AUTS2: variants seen among roughly 807,000 people sequenced by gnomAD.
The protein encoded by AUTS2 is autism susceptibility gene 2 protein.
In AUTS2, 17 loss-of-function variants were observed where a neutral mutation model predicts 112.4. The observed-to-expected ratio is 0.15, with a 90% CI of 0.10 to 0.23. The LOEUF is 0.23. Among genes scored for constraint, AUTS2 ranks in the 10% least tolerant of loss-of-function variants. AUTS2 has a pLI of 1.00. For missense variants in AUTS2, 1,510 were observed against 1,701.6 expected (o/e 0.89, Z 1.98); for synonymous variants, 751 against 702.7 (o/e 1.07, Z -1.09).
chr7:70,262,332 G>GCTACT (rs1224941807), intron 4 of AUTS2, among the ~76,000 whole-genome samples: 1 of 152,068 alleles, frequency 6.6e-6, no homozygotes, highest in Non-Finnish European at 1.5e-5. Context: ...TGGGATTACA[G>GCTACT]GCACCTGCCA....
chr7:70,386,156 T>G (rs1793596764), intron 4 of AUTS2, among the ~76,000 whole-genome samples: 1 of 152,190 alleles, frequency 6.6e-6, no homozygotes, highest in South Asian at 2.1e-4. Flanking sequence ...TCCCTCAGTC[T>G]TTCCACTGCC....
intron 1 of AUTS2, among the ~76,000 whole-genome samples, chr7:69,890,788 A>G (rs1001534943): frequency 1.8e-4 from 28 of 152,074 alleles, no homozygotes; most frequent in African/African-American, 6.3e-4. Flanking sequence ...TTCACAACTG[A>G]GTTGTCTCCA....
intron 4 of AUTS2, among the ~76,000 whole-genome samples, chr7:70,231,678 C>T (rs1043145026): frequency 3.3e-5 from 5 of 152,124 alleles, no homozygotes; most frequent in South Asian, 2.1e-4. Context: ...CTCCTGACCT[C>T]GTGATCTGCC....
chr7:70,692,081 T>C (rs1808784886), intron 5 of AUTS2, among the ~76,000 whole-genome samples: 1 of 152,114 alleles, frequency 6.6e-6, no homozygotes. Flanking sequence ...TTAGCCAGGC[T>C]GGTCTCAAAC....
chr7:69,619,221 A>C (rs566478064), intron 1 of AUTS2, among the ~76,000 whole-genome samples: 28 of 152,268 alleles, frequency 1.8e-4, no homozygotes, highest in Admixed American at 9.8e-4. Context: ...TCAGCACCTT[A>C]TGAGGCAAGC....
chr7:69,671,521 G>GTGTGTC (rs1295645578), intron 1 of AUTS2, among the ~76,000 whole-genome samples: 2 of 150,576 alleles, frequency 1.3e-5, no homozygotes, highest in East Asian at 1.9e-4. Context: ...GTGTGTGTGT[G>GTGTGTC]TGTCTGTGTG....
chr7:70,182,380 C>G (rs1471193934), intron 4 of AUTS2, among the ~76,000 whole-genome samples: 2 of 151,586 alleles, frequency 1.3e-5, no homozygotes, highest in Admixed American at 6.6e-5. Flanking sequence ...TTTCAAGATC[C>G]AAATGAAATA....
intron 5 of AUTS2, among the ~76,000 whole-genome samples, chr7:70,676,207 A>G (rs991548812): frequency 3.3e-5 from 5 of 152,174 alleles, no homozygotes; most frequent in Admixed American, 3.3e-4. Context: ...TTGGGAGGCC[A>G]AGATGGGAGG....
At chr7:70,473,241 A>T (rs887519927) in intron 5 of AUTS2, among the ~76,000 whole-genome samples, 5 of 152,222 alleles carry the variant, frequency 3.3e-5, no homozygotes, top group African/African-American at 1.2e-4. Flanking sequence ...CAATTTTATA[A>T]GACTAACATA....
At chr7:69,602,521 G>A (rs1314569471) in intron 1 of AUTS2, among the ~76,000 whole-genome samples, 1 of 152,036 alleles carries the variant, frequency 6.6e-6, no homozygotes, top group Admixed American at 6.6e-5. Context: ...ATCTCATCTT[G>A]TATTTTCTAT....
At chr7:70,627,501 G>A (rs1435734174) in intron 5 of AUTS2, among the ~76,000 whole-genome samples, 1 of 152,190 alleles carries the variant, frequency 6.6e-6, no homozygotes. Context: ...TGTTTTTAAT[G>A]TGCAAACATA....
At chr7:70,611,220 G>A (rs1202455881) in intron 5 of AUTS2, among the ~76,000 whole-genome samples, 1 of 152,208 alleles carries the variant, frequency 6.6e-6, no homozygotes, top group African/African-American at 2.4e-5. Context: ...TATGTATTGA[G>A]GAGACTGTCC....
At chr7:70,577,587 C>T (rs1802224921) in intron 5 of AUTS2, among the ~76,000 whole-genome samples, 1 of 152,096 alleles carries the variant, frequency 6.6e-6, no homozygotes, top group Admixed American at 6.6e-5. Context: ...TTGACATTGG[C>T]TTGTCTGAGA....
chr7:70,669,884 G>A (rs1807546987), intron 5 of AUTS2, among the ~76,000 whole-genome samples: 1 of 152,142 alleles, frequency 6.6e-6, no homozygotes, highest in Non-Finnish European at 1.5e-5. Context: ...AGGTTAATAG[G>A]GAATGTGCCT....
chr7:70,406,533 A>G (rs1794541671), intron 4 of AUTS2, among the ~76,000 whole-genome samples: 1 of 152,218 alleles, frequency 6.6e-6, no homozygotes, highest in Non-Finnish European at 1.5e-5. Context: ...TGTTGAGAAG[A>G]ACAGTGTACT....
At position 70,586,288 on chromosome 7, in the gene AUTS2, G is replaced by A. The variant is rs117829334; in HGVS notation, c.691-112281G>A. Among the ~76,000 whole-genome samples the A allele has an allele frequency of 1.9e-3, 282 of 152,302 alleles. 2 individuals carry two copies. Among genetic ancestry groups the A allele is most frequent in the Non-Finnish European group, 3.5e-3 (240 of 68,032 alleles). Reference sequence around the variant, plus strand: ...CAAATTGGTGAGTGTGTACCCTGCGGGAAGATATCTGAAATATATATTTCT... The same window carrying A: ...CAAATTGGTGAGTGTGTACCCTGCGAGAAGATATCTGAAATATATATTTCT... On this transcript the variant is annotated intron_variant, in intron 5 of 18. Coordinates refer to ENST00000342771, the MANE Select transcript of AUTS2 (RefSeq NM_015570.4).
At position 70,791,072 on chromosome 7, in the gene AUTS2, T is replaced by C; in HGVS notation, c.*76T>C. ...GGCCAGGCTTGAGAGACAGAACTCC[T>C]GCATGGCTCACACAGACTGGGGGGG... On this transcript the variant is annotated 3_prime_UTR_variant, in exon 19 of 19. Coordinates refer to ENST00000342771, the MANE Select transcript of AUTS2 (RefSeq NM_015570.4). 1 of 1,381,156 alleles carries C rather than the reference T, an allele frequency of 7.2e-7. No homozygotes were observed. Among genetic ancestry groups the C allele is most frequent in the Non-Finnish European group, 9.4e-7 (1 of 1,065,500 alleles). 85.6% of individuals were successfully genotyped at this position (1,381,156 alleles called of 1,614,324 possible). A position where few individuals can be genotyped will look rare whatever the true frequency, so the allele number is the denominator to read the frequency against.
At chr7:70,018,927 A>G (rs542161194) in intron 2 of AUTS2, among the ~76,000 whole-genome samples, 1 of 152,350 alleles carries the variant, frequency 6.6e-6, no homozygotes, top group African/African-American at 2.4e-5. Context: ...ACCCAAAGGA[A>G]TATAAATTGT....
At chr7:70,607,721 G>C (rs188180755) in intron 5 of AUTS2, among the ~76,000 whole-genome samples, 1 of 152,172 alleles carries the variant, frequency 6.6e-6, no homozygotes, top group Admixed American at 6.5e-5. Flanking sequence ...ATGTGATTAA[G>C]CTTATATGAA....
Sources: allele counts gnomAD v4.1 joint callset (sites outside exome capture counted in the v4.1 genomes callset), GRCh38; gene constraint gnomAD v4.1.1; transcripts MANE v1.5; gene names NCBI Gene and HGNC (gene_info 2026-07-23, HGNC 2026-07-21).